The following NUB1 variants were observed in gnomAD, a reference collection of about 807,000 sequenced individuals.
NUB1 encodes NEDD8 ultimate buster 1.
In NUB1, 41 loss-of-function variants were observed where a neutral mutation model predicts 77.1. The observed-to-expected ratio is 0.53, with a 90% CI of 0.41 to 0.69. The LOEUF is 0.69. NUB1 is among the 30% of genes least tolerant of loss of function. The pLI, the probability that NUB1 is intolerant of heterozygous loss-of-function variation, is 0.00. For synonymous variants in NUB1, 257 were observed against 281.0 expected (o/e 0.91, Z 0.85); for missense variants, 643 against 743.8 (o/e 0.86, Z 1.58).
In NUB1 at chr7:151,377,537, GA is replaced by G; in HGVS notation, c.*314del. 1 of 185,078 alleles carries G rather than the reference GA, an allele frequency of 5.4e-6. No individual in the cohort carries two copies. Among genetic ancestry groups the G allele is most frequent in the Non-Finnish European group, 1.1e-5 (1 of 89,590 alleles). The allele number at this position is 185,078 out of a possible 1,614,324, so 11.5% of individuals were successfully genotyped here. ...GGTCCTGTAGAACAGGGGTCCTGGG[GA>G]AGGTGTCCAGGGCAGGGTCCTGGGA... On this transcript the variant is annotated 3_prime_UTR_variant, in exon 15 of 15. Transcript: ENST00000568733.
rs561127147 is a variant in NUB1 at position 151,344,180 on chromosome 7, C to CAAAAAAAAAAAAAA, written c.-2-1148_-2-1135dup. ...TGGGCGACAGAGTGAGACTCCCTCT[C>CAAAAAAAAAAAAAA]AAAAAAAAAAAAAAAAAAAAAAAAA... On this transcript the variant is annotated intron_variant, in intron 1 of 14. Transcript: ENST00000568733. Among the ~76,000 whole-genome samples, 38 of 45,642 alleles carry CAAAAAAAAAAAAAA rather than the reference C, an allele frequency of 8.3e-4. 2 individuals carry two copies. The highest frequency in any genetic ancestry group is 2.2e-3 in the South Asian group (3 of 1,370). The allele number at this position is 45,642 out of a possible 152,430, so 29.9% of individuals were successfully genotyped here. A position where few individuals can be genotyped will look rare whatever the true frequency, so the allele number is the denominator to read the frequency against.
Position 151,345,356 on chromosome 7 carries a change from CAAAAGAA to C in NUB1, c.9_15del (p.Gln3HisfsTer7). 1 of 1,605,670 alleles carries C rather than the reference CAAAAGAA, an allele frequency of 6.2e-7. No individual in the cohort carries two copies. The highest frequency in any genetic ancestry group is 8.5e-7 in the Non-Finnish European group (1 of 1,174,588). ...TATTGTTTTGCTTTCAGGGATGGCA[CAAAAGAA>C]ATATCTTCAAGCAAAATTGACCCAG... On this transcript the variant is annotated frameshift_variant, in exon 2 of 15. Transcript: ENST00000568733. LOFTEE classifies it high-confidence loss of function.
At chr7:151,364,872 C>T (rs151314599) in intron 8 of NUB1, among the ~76,000 whole-genome samples, 4 of 152,056 alleles carry the variant, frequency 2.6e-5, no homozygotes, top group East Asian at 3.9e-4. Flanking sequence ...AAATATTTTA[C>T]GTTTATTTTA....
chr7:151,350,761 T>C (rs1796757497), intron 3 of NUB1, among the ~76,000 whole-genome samples: 1 of 152,222 alleles, frequency 6.6e-6, no homozygotes, highest in Non-Finnish European at 1.5e-5. Flanking sequence ...CTGGGTGGCT[T>C]GCCGCCCACA....
At chr7:151,350,081 G>A (rs979906360) in intron 3 of NUB1, among the ~76,000 whole-genome samples, 2 of 152,224 alleles carry the variant, frequency 1.3e-5, no homozygotes, top group Non-Finnish European at 2.9e-5. Context: ...GGAGAGAGAG[G>A]ACAGCTTACG....
At chr7:151,344,641 A>AAATTGCTTGGCTC (rs1796394363) in intron 1 of NUB1, among the ~76,000 whole-genome samples, 1 of 151,854 alleles carries the variant, frequency 6.6e-6, no homozygotes, top group Non-Finnish European at 1.5e-5. Flanking sequence ...TCGATAGTTT[A>AAATTGCTTGGCTC]CAGTTCAAGC....
At chr7:151,356,874 C>T (rs1371700708) in intron 7 of NUB1, among the ~76,000 whole-genome samples, 3 of 151,942 alleles carry the variant, frequency 2.0e-5, no homozygotes, top group Admixed American at 6.6e-5. Context: ...TGTGCCACCA[C>T]GGATGGCTAA....
rs367781408 is a variant in NUB1 at position 151,376,819 on chromosome 7, T to C, written c.1669+8T>C. On this transcript the variant is annotated splice_region_variant and intron_variant, in intron 14 of 14. Coordinates refer to ENST00000568733, the MANE Select transcript of NUB1 (RefSeq NM_001243351.2). ...CCCCTTCTGACTCCGCAGGTAGGTC[T>C]GAGGTCTTTGAGGGCCGCATTGAGA... 2.3e-5 allele frequency: 36 copies of C among 1,568,862 alleles called. No individual in the cohort carries two copies. Among genetic ancestry groups the C allele is most frequent in the Non-Finnish European group, 3.1e-5 (36 of 1,156,992 alleles).
chr7:151,353,570 C>G (rs1205500262), intron 5 of NUB1, among the ~76,000 whole-genome samples: 1 of 152,220 alleles, frequency 6.6e-6, no homozygotes, highest in Non-Finnish European at 1.5e-5. Context: ...AAACGAGAAA[C>G]TAGATGACCT....
At chr7:151,368,667 G>C in intron 10 of NUB1, 68 bp from the exon 11 acceptor site, 1 of 1,468,144 alleles carries the variant, frequency 6.8e-7, no homozygotes, top group Non-Finnish European at 9.1e-7. Context: ...TTTCTTTTAG[G>C]CTTTCACTTT....
intron 1 of NUB1, among the ~76,000 whole-genome samples, chr7:151,343,984 A>G (rs1292053508): frequency 2.6e-5 from 4 of 151,876 alleles, no homozygotes; most frequent in East Asian, 1.9e-4. Flanking sequence ...GATTGAGACC[A>G]TCCTGGCCAA....
At chr7:151,370,856 A>G (rs1355699803) in intron 11 of NUB1, among the ~76,000 whole-genome samples, 1 of 152,066 alleles carries the variant, frequency 6.6e-6, no homozygotes, top group Non-Finnish European at 1.5e-5. Context: ...AGCATCTGGA[A>G]AGCTAGTGTT....
intron 2 of NUB1, among the ~76,000 whole-genome samples, chr7:151,346,667 G>A (rs1356427136): frequency 1.3e-5 from 2 of 152,198 alleles, no homozygotes; most frequent in African/African-American, 2.4e-5. Flanking sequence ...ATGTCGGGAT[G>A]TACACCCCCA....
intron 8 of NUB1, among the ~76,000 whole-genome samples, chr7:151,362,429 T>C (rs1424747372): frequency 6.6e-6 from 1 of 152,332 alleles, no homozygotes; most frequent in Non-Finnish European, 1.5e-5. Context: ...TTTTCCCCCT[T>C]ACTTCTCCAA....
intron 3 of NUB1, among the ~76,000 whole-genome samples, chr7:151,349,941 T>C (rs1164704323): frequency 6.6e-6 from 1 of 152,074 alleles, no homozygotes; most frequent in Admixed American, 6.6e-5. Context: ...TGCCTGGCTG[T>C]GCTGTTATTT....
chr7:151,355,553 G>A (rs1022385176), intron 5 of NUB1, among the ~76,000 whole-genome samples: 23 of 152,294 alleles, frequency 1.5e-4, no homozygotes, highest in Non-Finnish European at 3.2e-4. Flanking sequence ...TGGGCCTGTA[G>A]TCCCAGCTCC....
chr7:151,360,185 C>G lies in NUB1; in HGVS notation c.738C>G (p.Phe246Leu). 6.2e-7 allele frequency: 1 copy of G among 1,610,196 alleles called. No individual in the cohort carries two copies. The highest frequency in any genetic ancestry group is 8.5e-7 in the Non-Finnish European group (1 of 1,176,538). ...AMGYHEKGRA[F>L]LKRKEYGIAL... Reference sequence around the variant, plus strand: ...GATATCATGAGAAGGGCAGAGCTTTCCTGAAAAGAAAAGAATATGGAATAG... The same window carrying G: ...GATATCATGAGAAGGGCAGAGCTTTGCTGAAAAGAAAAGAATATGGAATAG... The change falls in exon 8 of 15, where the codon TTC (phenylalanine) becomes TTG (leucine). Residue 246 changes from phenylalanine (F) to leucine (L), a missense_variant. Transcript: ENST00000568733.
At chr7:151,376,889 C>T in intron 14 of NUB1, 78 bp downstream of exon 14, 1 of 1,482,898 alleles carries the variant, frequency 6.7e-7, no homozygotes, top group Non-Finnish European at 9.1e-7. Flanking sequence ...TAAGCCACGG[C>T]AGATGTGGAG....
In NUB1 at chr7:151,352,735, G is replaced by A. The variant is rs1796875690; in HGVS notation, c.345-77G>A. 3 of 917,766 alleles carry A rather than the reference G, an allele frequency of 3.3e-6. No homozygotes were observed. The Admixed American group carries it at 6.1e-5, about 19-fold the overall frequency. 56.9% of individuals were successfully genotyped at this position (917,766 alleles called of 1,614,324 possible). A position where few individuals can be genotyped will look rare whatever the true frequency, so the allele number is the denominator to read the frequency against. ...TGGGATTACAGGCGTGAGCCACCGG[G>A]CCTGGCTAATGTCTTTTTAATGGAT... On this transcript the variant is annotated intron_variant, in intron 4 of 14. Transcript: ENST00000568733.
Sources: gnomAD v4.1 joint callset for allele counts (sites outside exome capture counted in the v4.1 genomes callset) on GRCh38, gnomAD v4.1.1 for gene constraint, MANE v1.5 for transcripts, NCBI Gene and HGNC (gene_info 2026-07-23, HGNC 2026-07-21) for gene names.